The following CEP112 variants were observed in gnomAD, a reference collection of about 807,000 sequenced individuals.
CEP112 encodes centrosomal protein 112, also known as centrosomal protein of 112 kDa.
CEP112 carries 127 observed loss-of-function variants against 153.0 expected under a neutral mutation model. That is an observed-to-expected ratio of 0.83 (90% CI 0.72 to 0.96). The LOEUF (loss-of-function observed/expected upper bound fraction) is 0.96. Among genes scored for constraint, CEP112 ranks in the 40% least tolerant of loss-of-function variants. CEP112 has a pLI of 0.00. For synonymous variants in CEP112, 358 were observed against 374.4 expected (o/e 0.96, Z 0.51); for missense variants, 1,089 against 1,101.2 (o/e 0.99, Z 0.16).
At chr17:65,894,640 T>C (rs560984315) in intron 20 of CEP112, among the ~76,000 whole-genome samples, 1 of 152,206 alleles carries the variant, frequency 6.6e-6, no homozygotes, top group South Asian at 2.1e-4. Flanking sequence ...AAAAAAACCA[T>C]ACCTTACCAC....
At chr17:66,074,661 G>A (rs376556983) in intron 8 of CEP112, among the ~76,000 whole-genome samples, 7 of 151,950 alleles carry the variant, frequency 4.6e-5, no homozygotes, top group Non-Finnish European at 8.8e-5. Context: ...TCAAGAGTTC[G>A]AGGCCATCCT....
At chr17:65,689,723 G>A (rs1452480917) in intron 23 of CEP112, among the ~76,000 whole-genome samples, 1 of 152,134 alleles carries the variant, frequency 6.6e-6, no homozygotes, top group East Asian at 1.9e-4. Flanking sequence ...TGGAACTTGA[G>A]GAACTTGTAA....
At chr17:65,712,522 T>TAA (rs1194419246) in intron 23 of CEP112, among the ~76,000 whole-genome samples, 1 of 151,404 alleles carries the variant, frequency 6.6e-6, no homozygotes, top group Non-Finnish European at 1.5e-5. Flanking sequence ...CTTGCAGAAA[T>TAA]AACATAAAAC....
intron 12 of CEP112, among the ~76,000 whole-genome samples, chr17:66,036,244 C>T (rs2065734366): frequency 6.6e-6 from 1 of 152,076 alleles, no homozygotes; most frequent in Non-Finnish European, 1.5e-5. Context: ...TCAATGGGTA[C>T]AGAGTTTTAG....
In CEP112 at chr17:65,838,051, C is replaced by G. The variant is rs556068552; in HGVS notation, c.2394+13753G>C. The stretch of plus-strand genomic sequence containing the variant: ...CTATTGTCCTATGACCCTGCCAAAT[C>G]CCCCTCTCCAAGAAACACCCAAGAA... On this transcript the variant is annotated intron_variant, in intron 21 of 26. Transcript: ENST00000535342. Among the ~76,000 whole-genome samples, 4 of 151,988 alleles carry G rather than the reference C, an allele frequency of 2.6e-5. No homozygotes were observed. In the South Asian group the frequency reaches 8.3e-4, roughly 32 times the overall value.
At chr17:66,180,556 T>C (rs980084343) in intron 2 of CEP112, among the ~76,000 whole-genome samples, 2 of 152,158 alleles carry the variant, frequency 1.3e-5, no homozygotes, top group Admixed American at 1.3e-4. Context: ...GATTTGTAGC[T>C]GATTGATTGA....
intron 4 of CEP112, among the ~76,000 whole-genome samples, chr17:66,168,477 G>GTA (rs758192257): frequency 1.3e-5 from 2 of 149,800 alleles, no homozygotes; most frequent in Non-Finnish European, 3.0e-5. Context: ...GTGTATATAT[G>GTA]TATATATGTG....
At chr17:65,883,976 G>A (rs927941108) in intron 20 of CEP112, among the ~76,000 whole-genome samples, 2 of 152,164 alleles carry the variant, frequency 1.3e-5, no homozygotes, top group African/African-American at 4.8e-5. Context: ...CGGTACATAG[G>A]GAGGTTGGGA....
chr17:66,062,208 G>A (rs1328918411), intron 11 of CEP112, among the ~76,000 whole-genome samples: 1 of 150,836 alleles, frequency 6.6e-6, no homozygotes, highest in Non-Finnish European at 1.5e-5. Flanking sequence ...TATGAAAATG[G>A]ACTAATACAT....
chr17:65,902,103 G>T, intron 20 of CEP112, 49 bp downstream of exon 20: 1 of 1,397,228 alleles, frequency 7.2e-7, no homozygotes, highest in Non-Finnish European at 1.0e-6. Context: ...AAACGCTGAT[G>T]ACTTTTTAAA....
At position 65,689,271 on chromosome 17, in the gene CEP112, T is replaced by C. The variant is rs565276062; in HGVS notation, c.2608-53A>G. ...TTAATAATTAGCACACTTGGAAAAA[T>C]AGTTCTACACCATGAACTGGCACTA... On this transcript the variant is annotated intron_variant, in intron 23 of 26. Coordinates refer to ENST00000535342, the MANE Select transcript of CEP112 (RefSeq NM_001199165.4). The C allele has an allele frequency of 7.6e-6, 10 of 1,321,556 alleles. No homozygotes were observed. The East Asian group carries it at 9.3e-5, about 12-fold the overall frequency. 81.9% of individuals were successfully genotyped at this position (1,321,556 alleles called of 1,614,324 possible).
At chr17:65,932,957 T>C (rs79969359) in intron 18 of CEP112, among the ~76,000 whole-genome samples, 6 of 152,112 alleles carry the variant, frequency 3.9e-5, no homozygotes, top group African/African-American at 7.2e-5. Context: ...GAAAACAATA[T>C]GCAGACAAAA....
intron 21 of CEP112, among the ~76,000 whole-genome samples, chr17:65,778,388 A>G (rs1422473998): frequency 6.6e-6 from 1 of 152,212 alleles, no homozygotes; most frequent in Non-Finnish European, 1.5e-5. Flanking sequence ...TGACTAGTTC[A>G]TATGCTAACA....
At chr17:66,178,089 T>C (rs917967544) in intron 2 of CEP112, among the ~76,000 whole-genome samples, 1 of 152,190 alleles carries the variant, frequency 6.6e-6, no homozygotes, top group Admixed American at 6.5e-5. Flanking sequence ...AGCAGTGGGA[T>C]TGCTGGATCA....
At chr17:65,936,726 T>C (rs945935515) in intron 18 of CEP112, among the ~76,000 whole-genome samples, 2 of 151,594 alleles carry the variant, frequency 1.3e-5, no homozygotes, top group Non-Finnish European at 2.9e-5. Flanking sequence ...CTTGCCAAAA[T>C]TCAACATCAT....
At chr17:65,835,196 A>G (rs2057254213) in intron 21 of CEP112, among the ~76,000 whole-genome samples, 1 of 148,360 alleles carries the variant, frequency 6.7e-6, no homozygotes, top group African/African-American at 2.5e-5. Flanking sequence ...ATAAAAGTAA[A>G]AAAAAAAAAA....
chr17:65,683,175 G>A (rs2047613101), intron 24 of CEP112, among the ~76,000 whole-genome samples: 1 of 152,118 alleles, frequency 6.6e-6, no homozygotes, highest in South Asian at 2.1e-4. Flanking sequence ...TCCCCACCCT[G>A]CAACCCCTAA....
chr17:65,973,163 A>C (rs2063014068), intron 17 of CEP112, among the ~76,000 whole-genome samples: 1 of 152,274 alleles, frequency 6.6e-6, no homozygotes, highest in Non-Finnish European at 1.5e-5. Flanking sequence ...TAAAACTTTC[A>C]GAAGAAAACC....
intron 20 of CEP112, among the ~76,000 whole-genome samples, chr17:65,880,722 C>T (rs568740749): frequency 6.6e-6 from 1 of 152,288 alleles, no homozygotes; most frequent in South Asian, 2.1e-4. Context: ...TGCTCTGAGG[C>T]TGGGGCTAGC....
Sources: gnomAD v4.1 joint callset for allele counts (sites outside exome capture counted in the v4.1 genomes callset) on GRCh38, gnomAD v4.1.1 for gene constraint, MANE v1.5 for transcripts, NCBI Gene and HGNC (gene_info 2026-07-23, HGNC 2026-07-21) for gene names.